Variants in MEF2C observed in about 807,000 individuals in gnomAD.
MEF2C encodes myocyte enhancer factor 2C, also known as myocyte-specific enhancer factor 2C.
In MEF2C, 6 loss-of-function variants were observed where a neutral mutation model predicts 50.5. The ratio of observed to expected loss-of-function variants is 0.12; its 90% CI spans 0.07 to 0.23. The LOEUF (loss-of-function observed/expected upper bound fraction) is 0.23, where lower values mean the gene tolerates loss of function less well. Among genes scored for constraint, MEF2C ranks in the 10% least tolerant of loss-of-function variants. MEF2C has a pLI of 1.00. For synonymous variants in MEF2C, 183 were observed against 228.0 expected, an observed-to-expected ratio of 0.80 and a Z score of 1.78; for missense variants, 276 against 605.0, an observed-to-expected ratio of 0.46 and a Z score of 5.70.
intron 3 of MEF2C, among the ~76,000 whole-genome samples, chr5:88,785,790 G>T (rs910732739): frequency 1.8e-4 from 27 of 152,006 alleles, no homozygotes; most frequent in African/African-American, 6.0e-4. Flanking sequence ...AGTTTGTCAG[G>T]TTCCCTGAAA....
intron 3 of MEF2C, among the ~76,000 whole-genome samples, chr5:88,767,823 C>T (rs1050922480): frequency 6.6e-5 from 10 of 152,128 alleles, no homozygotes; most frequent in African/African-American, 2.4e-4. Context: ...AAACATCCAC[C>T]AACTCTGTCT....
intron 1 of MEF2C, among the ~76,000 whole-genome samples, chr5:88,830,464 A>G (rs1231360555): frequency 6.6e-6 from 1 of 152,072 alleles, no homozygotes; most frequent in East Asian, 1.9e-4. Flanking sequence ...ACCTTTATAC[A>G]ATTGTATTGC....
chr5:88,897,010 T>A lies in MEF2C; in HGVS notation c.-240+6906A>T, dbSNP rs117024256. Among the ~76,000 whole-genome samples, 351 of 152,046 alleles carry A rather than the reference T, an allele frequency of 2.3e-3. 15 individuals are homozygous for A. In the East Asian group the frequency reaches 0.052, roughly 22 times the overall value. ...AGGATTTTTCCTTTGCGTTGGAAAA[T>A]TACATTTTCTGTTTCAGAACCATAG... On this transcript the variant is annotated intron_variant, in intron 1 of 11. Coordinates refer to the MEF2C transcript ENST00000340208.
At chr5:88,885,006 G>A (rs1833919277), upstream of MEF2C, among the ~76,000 whole-genome samples, 1 of 152,060 alleles carries the variant, frequency 6.6e-6, no homozygotes, top group African/African-American at 2.4e-5. Context: ...AAAAAATATT[G>A]TGAAAGCAAG....
chr5:88,779,005 C>T (rs1281492743), intron 3 of MEF2C, among the ~76,000 whole-genome samples: 1 of 152,298 alleles, frequency 6.6e-6, no homozygotes, highest in Non-Finnish European at 1.5e-5. Flanking sequence ...TTCCCACAGC[C>T]GGGCCAATAC....
chr5:88,853,342 G>T (rs552991643), intron 1 of MEF2C, among the ~76,000 whole-genome samples: 23 of 152,192 alleles, frequency 1.5e-4, no homozygotes, highest in Non-Finnish European at 3.4e-4. Flanking sequence ...TTAAACAAGA[G>T]TTGATTACCA....
intron 3 of MEF2C, among the ~76,000 whole-genome samples, chr5:88,776,181 C>A (rs1388856788): frequency 2.0e-5 from 3 of 151,922 alleles, no homozygotes; most frequent in Non-Finnish European, 4.4e-5. Flanking sequence ...TTATGATGAA[C>A]TTTTCCCCAT....
At position 88,722,631 on chromosome 5, in the gene MEF2C, C is replaced by A. The variant is rs760804914; in HGVS notation, c.1395G>T (p.Met465Ile). 1 of 1,612,756 alleles carries A rather than the reference C, an allele frequency of 6.2e-7. No individual in the cohort carries two copies. Among genetic ancestry groups the A allele is most frequent in the South Asian group, 1.1e-5 (1 of 91,052 alleles). ...DERESPSVKR[M>I]RLSEGWAT Reference sequence around the variant, plus strand: ...ATGTTGCCCATCCTTCAGAAAGTCGCATGCGCTTGACTGAGGGACTTTCCC... The same window carrying A: ...ATGTTGCCCATCCTTCAGAAAGTCGAATGCGCTTGACTGAGGGACTTTCCC... The change falls in exon 11 of 11, where the codon ATG (methionine) becomes ATT (isoleucine). Residue 465 changes from methionine (M) to isoleucine (I), a missense_variant. Transcript: ENST00000504921.
intron 1 of MEF2C, among the ~76,000 whole-genome samples, chr5:88,850,880 TTCG>T (rs1466269665): frequency 1.3e-5 from 2 of 152,054 alleles, no homozygotes; most frequent in Non-Finnish European, 2.9e-5. Flanking sequence ...AACCCCTCTC[TTCG>T]TCGTCTTCAT....
At chr5:88,769,041 A>G (rs928435020) in intron 3 of MEF2C, among the ~76,000 whole-genome samples, 1 of 152,224 alleles carries the variant, frequency 6.6e-6, no homozygotes, top group South Asian at 2.1e-4. Flanking sequence ...CTCAGTGATC[A>G]AAAGTGTAGC....
At chr5:88,779,456 CAGAT>C (rs1268347881) in intron 3 of MEF2C, among the ~76,000 whole-genome samples, 2 of 151,990 alleles carry the variant, frequency 1.3e-5, no homozygotes, top group Non-Finnish European at 2.9e-5. Flanking sequence ...CGAAGCCAAG[CAGAT>C]AGATAGAAAT....
At chr5:88,803,392 T>C (rs1446208583) in intron 3 of MEF2C, among the ~76,000 whole-genome samples, 1 of 152,166 alleles carries the variant, frequency 6.6e-6, no homozygotes, top group African/African-American at 2.4e-5. Context: ...CTTAGACAAT[T>C]GTAACAGGTA....
intron 6 of MEF2C, chr5:88,742,839 T>C: frequency 1.0e-6 from 1 of 985,228 alleles, no homozygotes; most frequent in African/African-American, 1.7e-5. Context: ...ACTGATTTTC[T>C]TGGCAGTAGC....
chr5:88,873,380 T>C (rs570029533), intron 1 of MEF2C, among the ~76,000 whole-genome samples: 102 of 152,178 alleles, frequency 6.7e-4, no homozygotes, highest in Non-Finnish European at 1.3e-3. Context: ...CTGTCGCCCA[T>C]GTGTAGTCAA....
intron 1 of MEF2C, among the ~76,000 whole-genome samples, chr5:88,835,564 C>T (rs1057147049): frequency 3.3e-5 from 5 of 151,954 alleles, no homozygotes; most frequent in Non-Finnish European, 5.9e-5. Flanking sequence ...GTAATCCCAG[C>T]ACTTTGAGAG....
intron 7 of MEF2C, 198 bp downstream of exon 7, chr5:88,731,530 AT>A (rs11439565): frequency 4.1e-4 from 208 of 512,294 alleles, no homozygotes; most frequent in East Asian, 5.7e-4. Context: ...ATATATATAT[AT>A]TTTTTTTACA....
chr5:88,768,572 T>C (rs1025974768), intron 3 of MEF2C: 3 of 440,060 alleles, frequency 6.8e-6, no homozygotes, highest in South Asian at 9.5e-5. Context: ...GAATAGTTTA[T>C]TTGTCATCTC....
intron 3 of MEF2C, among the ~76,000 whole-genome samples, chr5:88,784,295 TAA>T (rs1207779255): frequency 6.6e-6 from 1 of 152,186 alleles, no homozygotes; most frequent in Non-Finnish European, 1.5e-5. Context: ...ACATAATACA[TAA>T]AGGATGGATG....
intron 2 of MEF2C, 147 bp downstream of exon 2, chr5:88,823,588 C>T (rs1581235602): frequency 1.6e-6 from 1 of 624,588 alleles, no homozygotes; most frequent in East Asian, 2.9e-5. Context: ...ATATAAGAGA[C>T]TATCAGCACT....
Sources: gnomAD v4.1 joint callset for allele counts (sites outside exome capture counted in the v4.1 genomes callset) on GRCh38, gnomAD v4.1.1 for gene constraint, MANE v1.5 for transcripts, NCBI Gene and HGNC (gene_info 2026-07-23, HGNC 2026-07-21) for gene names.